Variants in MARS1 observed in about 807,000 individuals in gnomAD.
The protein encoded by MARS1 is methionine--tRNA ligase, cytoplasmic.
MARS1 carries 80 observed loss-of-function variants against 119.5 expected under a neutral mutation model. The observed-to-expected ratio is 0.67, with a 90% CI of 0.56 to 0.81. MARS1 has a LOEUF of 0.81. Among genes scored for constraint, MARS1 ranks in the 30% least tolerant of loss-of-function variants. The probability of loss-of-function intolerance (pLI) is 0.00; values close to 1 mark genes in which losing one functional copy is unlikely to be tolerated. For synonymous variants in MARS1, 418 were observed against 433.4 expected, an observed-to-expected ratio of 0.96 and a Z score of 0.44; for missense variants, 945 against 1,116.5, an observed-to-expected ratio of 0.85 and a Z score of 2.19.
Position 57,514,749 on chromosome 12 carries a change from G to T in MARS1, c.1997G>T (p.Gly666Val), listed in dbSNP as rs745830519. The T allele has an allele frequency of 2.5e-6, 4 of 1,614,126 alleles. No homozygotes were observed. Among genetic ancestry groups the T allele is most frequent in the Non-Finnish European group, 3.4e-6 (4 of 1,180,026 alleles). Reference protein sequence around the residue: ...RAGMFVSKFFGGYVPEMVLTP... With the variant: ...RAGMFVSKFFVGYVPEMVLTP... Reference sequence around the variant, plus strand: ...GGGATGTTTGTGTCTAAGTTCTTTGGGGGCTATGTGCCTGAGATGGTGCTC... The same window carrying T: ...GGGATGTTTGTGTCTAAGTTCTTTGTGGGCTATGTGCCTGAGATGGTGCTC... The change falls in exon 16 of 21, where the codon GGG (glycine) becomes GTG (valine). Residue 666 changes from glycine to valine, a missense_variant. Transcript: ENST00000262027.
At chr12:57,494,370 C>T (rs1876470091) in intron 7 of MARS1, among the ~76,000 whole-genome samples, 1 of 145,734 alleles carries the variant, frequency 6.9e-6, no homozygotes, top group African/African-American at 2.6e-5. Flanking sequence ...CACTGTCGTC[C>T]AGGCTGGAGT....
In MARS1 at chr12:57,498,252, T is replaced by C. The variant is rs1876735143; in HGVS notation, c.866T>C (p.Leu289Pro). The part of the protein sequence containing the change: ...PHLGNIIGCV[L>P]SADVFARYSR... The stretch of plus-strand genomic sequence containing the variant: ...CTTGGGAACATCATTGGTTGTGTGC[T>C]CAGTGCCGATGTCTTTGCCAGGTGG... The change falls in exon 8 of 21, where the codon CTC (leucine) becomes CCC (proline). Residue 289 changes from leucine to proline, a missense_variant. By Grantham distance (98) the Leu-to-Pro change is moderately conservative (BLOSUM62 -3). Transcript: ENST00000262027. The C allele has an allele frequency of 1.2e-6, 2 of 1,614,166 alleles. No homozygotes were observed. Among genetic ancestry groups the C allele is most frequent in the Non-Finnish European group, 1.7e-6 (2 of 1,179,994 alleles).
rs779864313 is a variant in MARS1 at position 57,515,332 on chromosome 12, G to T, written c.2387G>T (p.Gly796Val). The T allele has an allele frequency of 5.0e-6, 8 of 1,612,206 alleles. No individual in the cohort carries two copies. The African/African-American group carries it at 9.3e-5, about 19-fold the overall frequency. The change falls in exon 18 of 21, where the codon GGC (glycine) becomes GTC (valine). Residue 796 changes from glycine (G) to valine (V), a missense_variant. Gly to Val is a moderately radical substitution (Grantham distance 109, BLOSUM62 -3). Coordinates refer to ENST00000262027, the MANE Select transcript of MARS1 (RefSeq NM_004990.4). Reference protein sequence around the residue: ...LCTLPAGHQIGTVSPLFQKLE... With the variant: ...LCTLPAGHQIVTVSPLFQKLE... ...ACCTTACCAGCAGGACACCAGATTG[G>T]CACAGTAGGTGGAAGAGCCAGCCTC...
intron 11 of MARS1, among the ~76,000 whole-genome samples, chr12:57,510,400 G>A (rs898056404): frequency 6.0e-4 from 91 of 151,574 alleles, no homozygotes; most frequent in African/African-American, 1.9e-3. Context: ...TGAACCTGGA[G>A]GTGGGGAGGT....
At chr12:57,498,120 C>A in intron 7 of MARS1, 37 bp from the exon 8 acceptor site, 2 of 1,358,136 alleles carry the variant, frequency 1.5e-6, no homozygotes, top group Non-Finnish European at 2.1e-6. Flanking sequence ...ACCCTCACAT[C>A]CCCCCATGCA....
intron 8 of MARS1, 26 bp from the exon 9 acceptor site, chr12:57,498,394 C>CT: frequency 6.2e-7 from 1 of 1,610,864 alleles, no homozygotes; most frequent in African/African-American, 1.3e-5. Context: ...GCGGGGCCCC[C>CT]TAGCGATCAC....
chr12:57,512,737 TCTC>T lies in MARS1; in HGVS notation c.1754-10_1754-8del. 1 of 1,602,808 alleles carries T rather than the reference TCTC, an allele frequency of 6.2e-7. No individual in the cohort carries two copies. Among genetic ancestry groups the T allele is most frequent in the South Asian group, 1.1e-5 (1 of 90,818 alleles). On this transcript the variant is annotated splice_polypyrimidine_tract_variant and intron_variant, in intron 14 of 20. Transcript: ENST00000262027. ...ATGTGAGCAGATGGTTCTCACTCAT[TCTC>T]CTCTGTCCAGAGTACCTGAACTATG...
At chr12:57,515,101 G>A (rs747553757) in intron 17 of MARS1, 43 bp downstream of exon 17, 2 of 1,603,522 alleles carry the variant, frequency 1.2e-6, no homozygotes, top group South Asian at 1.1e-5. Flanking sequence ...AAAGTGGCTT[G>A]TAAGCTGTAT....
At position 57,490,398 on chromosome 12, in the gene MARS1, C is replaced by G. The variant is rs746539003; in HGVS notation, c.663+19C>G. ...GCCTGAGGTTTGGAATAGGGCAGAGCCTTGGGGCCTGAGGTGGGAGGTGGC... is the reference window on the plus strand; with the variant it reads ...GCCTGAGGTTTGGAATAGGGCAGAGGCTTGGGGCCTGAGGTGGGAGGTGGC... On this transcript the variant is annotated intron_variant, in intron 6 of 20. Coordinates refer to ENST00000262027, the MANE Select transcript of MARS1 (RefSeq NM_004990.4). 2.2e-5 allele frequency: 36 copies of G among 1,611,668 alleles called. No homozygotes were observed. In the South Asian group the frequency reaches 4.0e-4, roughly 18 times the overall value.
intron 14 of MARS1, 192 bp from the exon 15 acceptor site, chr12:57,512,559 A>G (rs888966643): frequency 3.1e-6 from 2 of 641,944 alleles, no homozygotes; most frequent in Non-Finnish European, 5.4e-6. Flanking sequence ...AGTAGATATA[A>G]GCAAAGAGAA....
rs147034935 is a variant in MARS1 at position 57,490,347 on chromosome 12, G to A, written c.631G>A (p.Ala211Thr). The change falls in exon 6 of 21, where the codon GCT becomes ACT. Residue 211 changes from alanine (A) to threonine (T), a missense_variant. Coordinates refer to ENST00000262027, the MANE Select transcript of MARS1 (RefSeq NM_004990.4). ...YLQKQPQPSP[A>T]EGRAVTNEPE... ...CCAAAAGCAGCCCCAGCCCAGCCCC[G>A]CTGAGGGAAGGGCTGTCACCAATGA... 67 of 1,612,636 alleles carry A rather than the reference G, an allele frequency of 4.2e-5. No homozygotes were observed. The highest frequency in any genetic ancestry group is 3.0e-4 in the Admixed American group (18 of 60,010).
chr12:57,512,586 A>T, intron 14 of MARS1, 165 bp from the exon 15 acceptor site: 1 of 656,816 alleles, frequency 1.5e-6, no homozygotes, highest in Non-Finnish European at 2.6e-6. Context: ...GCCAGAATGG[A>T]TAGGAAGGGA....
At chr12:57,498,753 C>A in intron 9 of MARS1, 130 bp downstream of exon 9, 3 of 808,234 alleles carry the variant, frequency 3.7e-6, no homozygotes, top group South Asian at 1.5e-5. Flanking sequence ...CAATATCACC[C>A]TGGGCAGTTA....
intron 10 of MARS1, among the ~76,000 whole-genome samples, chr12:57,503,147 A>T (rs1877009849): frequency 6.6e-6 from 1 of 151,682 alleles, no homozygotes; most frequent in South Asian, 2.1e-4. Flanking sequence ...CTAACTGTTC[A>T]CTCCATTAGC....
At chr12:57,513,497 C>T (rs1490221136) in intron 15 of MARS1, among the ~76,000 whole-genome samples, 1 of 151,606 alleles carries the variant, frequency 6.6e-6, no homozygotes, top group Non-Finnish European at 1.5e-5. Flanking sequence ...ACCTGTAGTC[C>T]CAGCCACTCA....
Position 57,489,496 on chromosome 12 carries a change from C to T in MARS1, c.352C>T (p.Arg118Trp), listed in dbSNP as rs151196994. The T allele has an allele frequency of 4.3e-5, 70 of 1,614,008 alleles. 1 individual carries two copies. Among genetic ancestry groups the T allele is most frequent in the African/African-American group, 4.0e-5 (3 of 74,886 alleles). The change falls in exon 4 of 21, where the codon CGG (arginine) becomes TGG (tryptophan). Residue 118 changes from arginine to tryptophan, a missense_variant. By Grantham distance (101) the Arg-to-Trp change is moderately radical. Coordinates refer to ENST00000262027, the MANE Select transcript of MARS1 (RefSeq NM_004990.4). ...KKGEDVLGSV[R>W]RALTHIDHSL... ...GGGGGAAGATGTTCTTGGTTCAGTG[C>T]GGAGAGCCCTGACTCACATTGACCA...
In MARS1 at chr12:57,499,853, C is replaced by T. The variant is rs372833428; in HGVS notation, c.1092-468C>T. Among the ~76,000 whole-genome samples, 222 of 152,132 alleles carry T rather than the reference C, an allele frequency of 1.5e-3. 1 individual carries two copies. Among genetic ancestry groups the T allele is most frequent in the African/African-American group, 5.2e-3 (214 of 41,506 alleles). Reference sequence around the variant, plus strand: ...GCTGAGGCAGGCAGTGAGCTGAGATCGCACCACTGCACTCCAGCCTGGGCG... The same window carrying T: ...GCTGAGGCAGGCAGTGAGCTGAGATTGCACCACTGCACTCCAGCCTGGGCG... On this transcript the variant is annotated intron_variant, in intron 9 of 20. Transcript: ENST00000262027.
intron 7 of MARS1, among the ~76,000 whole-genome samples, chr12:57,493,752 T>TATTA (rs1876328286): frequency 4.3e-4 from 2 of 4,626 alleles, no homozygotes; most frequent in Non-Finnish European, 6.1e-4. Flanking sequence ...ATTATATACA[T>TATTA]TATATTATAT....
intron 11 of MARS1, among the ~76,000 whole-genome samples, chr12:57,508,200 C>G (rs1877318693): frequency 6.6e-6 from 1 of 152,204 alleles, no homozygotes; most frequent in Non-Finnish European, 1.5e-5. Context: ...CAGAGGGGCT[C>G]CTCACATCCC....
Sources: gnomAD v4.1 joint callset for allele counts (sites outside exome capture counted in the v4.1 genomes callset) on GRCh38, gnomAD v4.1.1 for gene constraint, MANE v1.5 for transcripts, NCBI Gene and HGNC (gene_info 2026-07-23, HGNC 2026-07-21) for gene names.